Variants in VPS4A observed in about 807,000 individuals in gnomAD.
VPS4A encodes vacuolar protein sorting 4 homolog A.
VPS4A carries 20 observed loss-of-function variants against 52.3 expected under a neutral mutation model. The observed-to-expected ratio is 0.38, with a 90% CI of 0.27 to 0.56. The LOEUF is 0.56. Among genes scored for constraint, VPS4A ranks in the 20% least tolerant of loss-of-function variants. VPS4A has a pLI of 0.72. For missense variants in VPS4A, 419 were observed against 575.9 expected, an observed-to-expected ratio of 0.73 and a Z score of 2.79; for synonymous variants, 293 against 227.7, an observed-to-expected ratio of 1.29 and a Z score of -2.58.
In VPS4A at chr16:69,321,801, G is replaced by GA. The variant is rs1965516207; in HGVS notation, c.1071+532dup. On this transcript the variant is annotated intron_variant, in intron 9 of 10. Coordinates refer to ENST00000254950, the MANE Select transcript of VPS4A (RefSeq NM_013245.3). This position sits in a 1 kb window ranked among gnomAD's most constrained non-coding sequence, Gnocchi z 4.5. ...GAGGATGGAGATGGAGCAGGGTTAGGAGAGAGGTGTCTCGGGCATGGAGGG... is the reference window on the plus strand; with the variant it reads ...GAGGATGGAGATGGAGCAGGGTTAGGAAGAGAGGTGTCTCGGGCATGGAGGG... 1 of 170,800 alleles carries GA rather than the reference G, an allele frequency of 5.9e-6. No homozygotes were observed. The highest frequency in any genetic ancestry group is 1.3e-5 in the Non-Finnish European group (1 of 79,102). The allele number at this position is 170,800 out of a possible 1,614,324, so 10.6% of individuals were successfully genotyped here. A position where few individuals can be genotyped will look rare whatever the true frequency, so the allele number is the denominator to read the frequency against.
chr16:69,313,556 C>T (rs1001189897), intron 1 of VPS4A, among the ~76,000 whole-genome samples: 8 of 152,074 alleles, frequency 5.3e-5, no homozygotes, highest in African/African-American at 1.9e-4. Context: ...AACATAATGT[C>T]ATAGGTTTTT....
chr16:69,316,967 G>A (rs751364202), intron 3 of VPS4A, among the ~76,000 whole-genome samples: 10 of 152,180 alleles, frequency 6.6e-5, no homozygotes, highest in South Asian at 2.1e-4. Flanking sequence ...TACTGGGTTC[G>A]CCCACCACGG....
At position 69,322,564 on chromosome 16, in the gene VPS4A, G is replaced by A. The variant is rs1965527204; in HGVS notation, c.1076G>A (p.Cys359Tyr). Residue 359 changes from cysteine to tyrosine, a missense_variant, in exon 10 of 11, where the codon TGT becomes TAT. Physicochemically the swap from Cys to Tyr is radical, Grantham distance 194. This residue lies in a region of VPS4A where 185 missense variants were observed against 200.2 expected (regional missense o/e 0.92). Transcript: ENST00000254950. ...VQSATHFKKV[C>Y]GPSRTNPSMM... is the part of the protein sequence containing the mutation. ...GTCAGATCCATTTGGTTTCAGGTCT[G>A]TGGCCCCTCTCGCACCAACCCCAGC... The A allele has an allele frequency of 1.9e-6, 3 of 1,612,510 alleles. No individual in the cohort carries two copies. The highest frequency in any genetic ancestry group is 1.7e-5 in the Admixed American group (1 of 59,880).
Position 69,320,577 on chromosome 16 carries a change from A to C in VPS4A, c.770-111A>C. On this transcript the variant is annotated intron_variant, in intron 7 of 10. Transcript: ENST00000254950. The surrounding 1 kb of genome is among the most constrained non-coding windows in gnomAD (Gnocchi z 4.2). ...TGGGACCCTGCCAGTGGTGGGTGGC[A>C]CAGGGATGGCTTCAATTGCTGACAC... 1 of 977,364 alleles carries C rather than the reference A, an allele frequency of 1.0e-6. No individual in the cohort carries two copies. Among genetic ancestry groups the C allele is most frequent in the South Asian group, 1.6e-5 (1 of 62,300 alleles). 60.5% of individuals were successfully genotyped at this position (977,364 alleles called of 1,614,324 possible). A position where few individuals can be genotyped will look rare whatever the true frequency, so the allele number is the denominator to read the frequency against.
At chr16:69,319,187 A>T (rs1965478297) in intron 5 of VPS4A, among the ~76,000 whole-genome samples, 200 bp from the exon 6 acceptor site, 1 of 150,214 alleles carries the variant, frequency 6.7e-6, no homozygotes, top group Non-Finnish European at 1.5e-5. Flanking sequence ...TCATGGGGTC[A>T]TAGCAGGGGC....
chr16:69,315,904 C>T, intron 1 of VPS4A, 104 bp from the exon 2 acceptor site: 2 of 919,260 alleles, frequency 2.2e-6, no homozygotes, highest in Non-Finnish European at 1.7e-6. Context: ...AATAAATCCA[C>T]AGGCCCAGCG....
intron 3 of VPS4A, 56 bp downstream of exon 3, chr16:69,316,428 A>T: frequency 6.3e-7 from 1 of 1,595,294 alleles, no homozygotes; most frequent in African/African-American, 1.3e-5. Context: ...GCTCCCTATC[A>T]TTCCTGGCGC....
intron 3 of VPS4A, among the ~76,000 whole-genome samples, chr16:69,316,850 G>T (rs953527873): frequency 1.5e-4 from 23 of 152,216 alleles, no homozygotes; most frequent in African/African-American, 5.5e-4. Context: ...GCCGGCTCGG[G>T]TTAGGAGCCC....
Position 69,320,592 on chromosome 16 carries a change from A to C in VPS4A, c.770-96A>C, listed in dbSNP as rs1034982609. On this transcript the variant is annotated intron_variant, in intron 7 of 10. Coordinates refer to ENST00000254950, the MANE Select transcript of VPS4A (RefSeq NM_013245.3). This position sits in a 1 kb window ranked among gnomAD's most constrained non-coding sequence, Gnocchi z 4.2. ...GGTGGGTGGCACAGGGATGGCTTCA[A>C]TTGCTGACACACAAAGCCCCCGGGG... 5 of 1,099,768 alleles carry C rather than the reference A, an allele frequency of 4.5e-6. No homozygotes were observed. In the African/African-American group the frequency reaches 6.3e-5, roughly 14 times the overall value. 68.1% of individuals were successfully genotyped at this position (1,099,768 alleles called of 1,614,324 possible).
chr16:69,317,846 GGAGGCT>G (rs1040670776), intron 3 of VPS4A, among the ~76,000 whole-genome samples: 9 of 151,578 alleles, frequency 5.9e-5, no homozygotes, highest in Non-Finnish European at 1.2e-4. Flanking sequence ...CAGCTACTCG[GGAGGCT>G]GACGCCAGAG....
intron 1 of VPS4A, 66 bp downstream of exon 1, chr16:69,311,598 G>C: frequency 8.1e-7 from 1 of 1,229,974 alleles, no homozygotes; most frequent in Non-Finnish European, 1.0e-6. Context: ...CCGCAGAGCC[G>C]GGCGGCGGGC....
chr16:69,318,435 G>A (rs1965465227), intron 3 of VPS4A, among the ~76,000 whole-genome samples: 1 of 152,266 alleles, frequency 6.6e-6, no homozygotes, highest in Non-Finnish European at 1.5e-5. Flanking sequence ...AACAGGGCGG[G>A]TTATAGGAGT....
chr16:69,318,841 A>AG lies in VPS4A; in HGVS notation c.363dup (p.Pro122AlafsTer85). On this transcript the variant is annotated frameshift_variant, in exon 5 of 11. Transcript: ENST00000254950. LOFTEE classifies it high-confidence loss of function. Reference sequence around the variant, plus strand: ...CTCGCAGGTGCCGTCGTGATGGAGAAGCCCAACATACGGTGGAACGACGTG... The same window carrying AG: ...CTCGCAGGTGCCGTCGTGATGGAGAAGGCCCAACATACGGTGGAACGACGTG... 6.2e-7 allele frequency: 1 copy of AG among 1,613,442 alleles called. No homozygotes were observed. Among genetic ancestry groups the AG allele is most frequent in the Non-Finnish European group, 8.5e-7 (1 of 1,179,684 alleles).
At position 69,316,011 on chromosome 16, in the gene VPS4A, G is replaced by A; in HGVS notation, c.25G>A (p.Ala9Thr). 1 of 1,613,420 alleles carries A rather than the reference G, an allele frequency of 6.2e-7. No individual in the cohort carries two copies. The highest frequency in any genetic ancestry group is 8.5e-7 in the Non-Finnish European group (1 of 1,179,824). MTTSTLQK[A>T]IDLVTKATEE... Reference sequence around the variant, plus strand: ...GCCATTTGCTTTGCCTTTCCAGAAAGCCATTGATCTGGTGACGAAAGCCAC... The same window carrying A: ...GCCATTTGCTTTGCCTTTCCAGAAAACCATTGATCTGGTGACGAAAGCCAC... Residue 9 changes from alanine to threonine, a missense_variant, in exon 2 of 11, where the codon GCC becomes ACC. Physicochemically the swap from Ala to Thr is moderately conservative, Grantham distance 58. This residue lies in a region of VPS4A where 131 missense variants were observed against 165.4 expected (regional missense o/e 0.79). Coordinates refer to ENST00000254950, the MANE Select transcript of VPS4A (RefSeq NM_013245.3).
In VPS4A at chr16:69,324,569, C is replaced by T. The variant is rs1290801974; in HGVS notation, c.*260C>T. ...ATGCTCATCAGCTCCTTCTGCCTCC[C>T]CCCCTTTTTTTTCCATCTTTTGTTC... is the stretch of plus-strand genomic sequence containing the variant. On this transcript the variant is annotated 3_prime_UTR_variant, in exon 11 of 11. Coordinates refer to ENST00000254950, the MANE Select transcript of VPS4A (RefSeq NM_013245.3). The T allele has an allele frequency of 4.6e-6, 2 of 438,674 alleles. No individual in the cohort carries two copies. Among genetic ancestry groups the T allele is most frequent in the Non-Finnish European group, 8.4e-6 (2 of 239,066 alleles). The allele number at this position is 438,674 out of a possible 1,614,324, so 27.2% of individuals were successfully genotyped here. A position where few individuals can be genotyped will look rare whatever the true frequency, so the allele number is the denominator to read the frequency against.
At position 69,320,613 on chromosome 16, in the gene VPS4A, C is replaced by CG; in HGVS notation, c.770-71dup. 2.3e-6 allele frequency: 3 copies of CG among 1,317,976 alleles called. No individual in the cohort carries two copies. Among genetic ancestry groups the CG allele is most frequent in the Non-Finnish European group, 3.2e-6 (3 of 945,942 alleles). The allele number at this position is 1,317,976 out of a possible 1,614,324, so 81.6% of individuals were successfully genotyped here. A position where few individuals can be genotyped will look rare whatever the true frequency, so the allele number is the denominator to read the frequency against. ...TTCAATTGCTGACACACAAAGCCCCCGGGGTCTGTCCCCAGGTTTCAACTG... is the reference window on the plus strand; with the variant it reads ...TTCAATTGCTGACACACAAAGCCCCCGGGGGTCTGTCCCCAGGTTTCAACTG... On this transcript the variant is annotated intron_variant, in intron 7 of 10. Transcript: ENST00000254950. The surrounding 1 kb of genome is among the most constrained non-coding windows in gnomAD (Gnocchi z 4.2).
Position 69,322,588 on chromosome 16 carries a change from G to A in VPS4A, c.1100G>A (p.Ser367Asn). The stretch of plus-strand genomic sequence containing the variant: ...TGTGGCCCCTCTCGCACCAACCCCA[G>A]CATGATGATTGATGACCTCCTGACT... ...KVCGPSRTNPSMMIDDLLTPC... is the reference protein window; with the variant it reads ...KVCGPSRTNPNMMIDDLLTPC... Residue 367 changes from serine to asparagine, a missense_variant, in exon 10 of 11, where the codon AGC (serine) becomes AAC (asparagine). By Grantham distance (46) the Ser-to-Asn change is conservative. Coordinates refer to ENST00000254950, the MANE Select transcript of VPS4A (RefSeq NM_013245.3). The A allele has an allele frequency of 1.2e-6, 2 of 1,613,792 alleles. No individual in the cohort carries two copies. Among genetic ancestry groups the A allele is most frequent in the Non-Finnish European group, 1.7e-6 (2 of 1,179,788 alleles).
In VPS4A at chr16:69,311,386, T is replaced by C. The variant is rs1217393920; in HGVS notation, c.-126T>C. 1.9e-5 allele frequency: 21 copies of C among 1,090,818 alleles called. No homozygotes were observed. The highest frequency in any genetic ancestry group is 2.3e-5 in the Non-Finnish European group (20 of 856,982). 67.6% of individuals were successfully genotyped at this position (1,090,818 alleles called of 1,614,324 possible). On this transcript the variant is annotated 5_prime_UTR_variant, in exon 1 of 11. Transcript: ENST00000254950. ...CGGCTCCCGCTGCGAGCGGCCGCCC[T>C]GCCCGCGCACCGCGCTCAGCGCCCA...
rs200710053 is a variant in VPS4A, at chr16:69,316,353, A to G, written c.262A>G (p.Asn88Asp). The G allele has an allele frequency of 2.9e-5, 46 of 1,613,650 alleles. No homozygotes were observed. The highest frequency in any genetic ancestry group is 7.6e-6 in the Non-Finnish European group (9 of 1,179,846). Residue 88 changes from asparagine (N) to aspartate (D), a missense_variant, in exon 3 of 11, where the codon AAC becomes GAC. Coordinates refer to ENST00000254950, the MANE Select transcript of VPS4A (RefSeq NM_013245.3). The stretch of plus-strand genomic sequence containing the variant: ...ACACGGCAAGAAGCCAGTCAAAGAG[A>G]ACCAGAGTGAGGGCAAGGGGTGAGT... ...EKHGKKPVKE[N>D]QSEGKGSDSD...
Sources: allele counts gnomAD v4.1 joint callset (sites outside exome capture counted in the v4.1 genomes callset), GRCh38; gene constraint gnomAD v4.1.1; regional missense constraint gnomAD v4.1.1; non-coding constraint Gnocchi (gnomAD v3.1); transcripts MANE v1.5; gene names NCBI Gene and HGNC (gene_info 2026-07-23, HGNC 2026-07-21).